ME2: variants seen among roughly 807,000 people sequenced by gnomAD.
ME2 encodes the protein malic enzyme 2.
A neutral mutation model predicts 73.7 loss-of-function variants in ME2; 60 were observed. The ratio of observed to expected loss-of-function variants is 0.81; its 90% CI spans 0.66 to 1.01. ME2 has a LOEUF of 1.01. ME2 is among the 50% of genes least tolerant of loss of function. The pLI is 0.00. For missense variants in ME2, 594 were observed against 705.5 expected, an observed-to-expected ratio of 0.84 and a Z score of 1.79; for synonymous variants, 199 against 236.9, an observed-to-expected ratio of 0.84 and a Z score of 1.47.
At chr18:50,927,585 C>T (rs974046160) in intron 12 of ME2, among the ~76,000 whole-genome samples, 2 of 151,074 alleles carry the variant, frequency 1.3e-5, no homozygotes, top group Middle Eastern at 3.5e-3. Context: ...GCCTTTAGTC[C>T]CAGCTGCTGG....
chr18:50,939,651 T>C lies in ME2; in HGVS notation c.1488+11T>C. 6.4e-7 allele frequency: 1 copy of C among 1,570,382 alleles called. No individual in the cohort carries two copies. Among genetic ancestry groups the C allele is most frequent in the African/African-American group, 1.3e-5 (1 of 74,124 alleles). ...CTAGAAGCTGCAAAGGTAAATGTTTTAAATGTTGTTTATTTTATAAAGGAT... is the reference window on the plus strand; with the variant it reads ...CTAGAAGCTGCAAAGGTAAATGTTTCAAATGTTGTTTATTTTATAAAGGAT... On this transcript the variant is annotated intron_variant, in intron 14 of 15. Coordinates refer to ENST00000321341, the MANE Select transcript of ME2 (RefSeq NM_002396.5).
Position 50,912,787 on chromosome 18 carries a change from G to A in ME2, c.243-14G>A. 6.5e-7 allele frequency: 1 copy of A among 1,547,416 alleles called. No homozygotes were observed. Among genetic ancestry groups the A allele is most frequent in the African/African-American group, 1.4e-5 (1 of 72,778 alleles). The stretch of plus-strand genomic sequence containing the variant: ...CAGGCTGACTTAGACATTATTTACT[G>A]TGCTTCATTTCAGATATATCTACAT... On this transcript the variant is annotated splice_polypyrimidine_tract_variant and intron_variant, in intron 3 of 15. Transcript: ENST00000321341.
chr18:50,923,181 A>G (rs529585191), intron 10 of ME2, among the ~76,000 whole-genome samples: 2 of 152,246 alleles, frequency 1.3e-5, no homozygotes, highest in African/African-American at 4.8e-5. Context: ...CTTGTTTCTG[A>G]ACTCTTGGTA....
rs2144283412 is a variant in ME2 at position 50,949,366 on chromosome 18, T to A, written c.*2182T>A. The A allele has an allele frequency of 6.6e-6, 1 of 152,354 alleles. No individual in the cohort carries two copies. The highest frequency in any genetic ancestry group is 1.9e-4 in the East Asian group (1 of 5,182). 9.4% of individuals were successfully genotyped at this position (152,354 alleles called of 1,614,324 possible). On this transcript the variant is annotated 3_prime_UTR_variant, in exon 16 of 16. Coordinates refer to ENST00000321341, the MANE Select transcript of ME2 (RefSeq NM_002396.5). ...ATATGGGGTTTTGCTATGTCACCCT[T>A]GCTGGAGGGCGGTGGCTGTTCACAG...
chr18:50,882,335 A>G (rs1283328296), intron 1 of ME2, among the ~76,000 whole-genome samples: 2 of 151,584 alleles, frequency 1.3e-5, no homozygotes, highest in Non-Finnish European at 2.9e-5. Flanking sequence ...CCCTTTGACC[A>G]CTCTGCTAGA....
chr18:50,885,040 G>A (rs1916424181), intron 1 of ME2, among the ~76,000 whole-genome samples: 2 of 152,032 alleles, frequency 1.3e-5, no homozygotes, highest in South Asian at 4.1e-4. Context: ...GTTTTTAGTA[G>A]AGACAGGGTT....
chr18:50,913,860 TACACACAC>T (rs1555677139), intron 4 of ME2, among the ~76,000 whole-genome samples: 2 of 143,178 alleles, frequency 1.4e-5, no homozygotes, highest in African/African-American at 2.6e-5. Context: ...AGCAATATTA[TACACACAC>T]ACACACACAC....
Position 50,953,025 on chromosome 18 carries a change from T to G in ME2, c.*5841T>G, listed in dbSNP as rs1918254405. ...CAAACCCCTCTCAGTGAAGAAAGCC[T>G]TCTGTGTAGGCAATTTCATCTAATA... On this transcript the variant is annotated 3_prime_UTR_variant, in exon 16 of 16. Coordinates refer to ENST00000321341, the MANE Select transcript of ME2 (RefSeq NM_002396.5). 6.6e-6 allele frequency: 1 copy of G among 152,148 alleles called. No homozygotes were observed. Among genetic ancestry groups the G allele is most frequent in the African/African-American group, 2.4e-5 (1 of 41,438 alleles). The allele number at this position is 152,148 out of a possible 1,614,324, so 9.4% of individuals were successfully genotyped here.
intron 2 of ME2, among the ~76,000 whole-genome samples, chr18:50,902,494 T>G (rs1916915431): frequency 6.6e-6 from 1 of 152,170 alleles, no homozygotes; most frequent in South Asian, 2.1e-4. Context: ...CGCTCCCAGG[T>G]TCAAGCGATT....
intron 1 of ME2, among the ~76,000 whole-genome samples, chr18:50,887,530 A>G (rs959572252): frequency 6.6e-6 from 1 of 152,254 alleles, no homozygotes; most frequent in Non-Finnish European, 1.5e-5. Flanking sequence ...CTCTCCATAA[A>G]TGAAGACTGT....
At chr18:50,910,489 G>T (rs1028259594) in intron 3 of ME2, among the ~76,000 whole-genome samples, 2 of 151,904 alleles carry the variant, frequency 1.3e-5, no homozygotes, top group African/African-American at 4.8e-5. Flanking sequence ...GGTTAAAGGG[G>T]TGAGAGCAGA....
intron 12 of ME2, among the ~76,000 whole-genome samples, chr18:50,926,295 A>C (rs1449776912): frequency 2.0e-5 from 3 of 151,576 alleles, no homozygotes; most frequent in Admixed American, 6.6e-5. Flanking sequence ...AGGTCTAATG[A>C]ATTCTCTTGG....
At chr18:50,940,050 C>T (rs1917910302) in intron 14 of ME2, 1 of 477,242 alleles carries the variant, frequency 2.1e-6, no homozygotes, top group African/African-American at 2.0e-5. Context: ...TGCAATTAAG[C>T]CAAGCTCTAC....
chr18:50,946,205 C>T (rs1918079696), intron 15 of ME2, among the ~76,000 whole-genome samples: 1 of 152,194 alleles, frequency 6.6e-6, no homozygotes, highest in African/African-American at 2.4e-5. Context: ...AAGTGTTTCA[C>T]ATTCCTCATT....
intron 15 of ME2, among the ~76,000 whole-genome samples, chr18:50,944,120 G>T (rs1390675430): frequency 6.6e-6 from 1 of 152,132 alleles, no homozygotes; most frequent in Non-Finnish European, 1.5e-5. Flanking sequence ...AGGCTGGGGT[G>T]GGAGGATCAC....
At position 50,924,148 on chromosome 18, in the gene ME2, C is replaced by G; in HGVS notation, c.1107C>G (p.Ala369=). The change falls in exon 11 of 16, where the codon GCC becomes GCG. Residue 369 remains alanine (A), a synonymous_variant. Transcript: ENST00000321341. ...ATCAGGAACCATTTACTCACTCAGC[C>G]CCAGAGAGCATACCTGATACTTTTG... The part of the protein sequence containing the change: ...DSYQEPFTHS[A]PESIPDTFED... The G allele has an allele frequency of 6.2e-7, 1 of 1,613,168 alleles. No homozygotes were observed. Among genetic ancestry groups the G allele is most frequent in the Admixed American group, 1.7e-5 (1 of 59,968 alleles).
intron 13 of ME2, chr18:50,935,718 C>A: frequency 1.4e-5 from 2 of 146,556 alleles, no homozygotes; most frequent in African/African-American, 2.6e-5. Flanking sequence ...GGCCACTGCA[C>A]TCCAGCCTGG....
intron 3 of ME2, among the ~76,000 whole-genome samples, chr18:50,909,155 A>G (rs919897257): frequency 6.6e-6 from 1 of 151,288 alleles, no homozygotes; most frequent in African/African-American, 2.4e-5. Context: ...GGGTTTAACC[A>G]TATTGCCCAT....
At chr18:50,921,030 C>A in intron 9 of ME2, 44 bp from the exon 10 acceptor site, 3 of 929,730 alleles carry the variant, frequency 3.2e-6, no homozygotes, top group South Asian at 1.7e-5. Context: ...TCAAGCATTG[C>A]ATCGTACTCT....
Sources: gnomAD v4.1 joint callset for allele counts (sites outside exome capture counted in the v4.1 genomes callset) on GRCh38, gnomAD v4.1.1 for gene constraint, MANE v1.5 for transcripts, NCBI Gene and HGNC (gene_info 2026-07-23, HGNC 2026-07-21) for gene names.